GFM1: variants seen among roughly 807,000 people sequenced by gnomAD.
GFM1 encodes G elongation factor mitochondrial 1.
GFM1 carries 62 observed loss-of-function variants against 96.2 expected under a neutral mutation model. The observed-to-expected ratio is 0.64, with a 90% CI of 0.53 to 0.80. GFM1 has a LOEUF of 0.80. GFM1 is among the 30% of genes least tolerant of loss of function. The pLI, the probability that GFM1 is intolerant of heterozygous loss-of-function variation, is 0.00. For missense variants in GFM1, 852 were observed against 916.6 expected (o/e 0.93, Z 0.91); for synonymous variants, 282 against 312.9 (o/e 0.90, Z 1.04).
In GFM1 at chr3:158,691,589, C is replaced by T. The variant is rs1726327951; in HGVS notation, c.*122C>T. 6 of 1,065,632 alleles carry T rather than the reference C, an allele frequency of 5.6e-6. No homozygotes were observed. The highest frequency in any genetic ancestry group is 1.9e-5 in the Admixed American group (1 of 52,924). The allele number at this position is 1,065,632 out of a possible 1,614,324, so 66.0% of individuals were successfully genotyped here. On this transcript the variant is annotated 3_prime_UTR_variant, in exon 18 of 18. Coordinates refer to ENST00000486715, the MANE Select transcript of GFM1 (RefSeq NM_024996.7). ...AAATTCTGAGCCCAGGAAGCGGGCTCTTCTTTCTTCAAAAGAAGCCCTTCT... is the reference window on the plus strand; with the variant it reads ...AAATTCTGAGCCCAGGAAGCGGGCTTTTCTTTCTTCAAAAGAAGCCCTTCT...
rs758651253 is a variant in GFM1, at chr3:158,691,310, AC to A, written c.2125-23del. The A allele has an allele frequency of 1.6e-5, 25 of 1,612,614 alleles. No homozygotes were observed. The Admixed American group carries it at 2.7e-4, about 17-fold the overall frequency. On this transcript the variant is annotated intron_variant, in intron 17 of 17. Transcript: ENST00000486715. ...TAAAAAACAAACAAACAAACAAAAA[AC>A]CCTCTCTTTTTTTTAAATCCCTAGG...
In GFM1 at chr3:158,693,652, T is replaced by C. The variant is rs1173676824; in HGVS notation, c.*2185T>C. The C allele has an allele frequency of 2.0e-5, 3 of 152,208 alleles. No homozygotes were observed. The highest frequency in any genetic ancestry group is 7.2e-5 in the African/African-American group (3 of 41,448). The allele number at this position is 152,208 out of a possible 1,614,324, so 9.4% of individuals were successfully genotyped here. A position where few individuals can be genotyped will look rare whatever the true frequency, so the allele number is the denominator to read the frequency against. On this transcript the variant is annotated 3_prime_UTR_variant, in exon 18 of 18. Coordinates refer to ENST00000486715, the MANE Select transcript of GFM1 (RefSeq NM_024996.7). ...TGAGAATATTCATAGGTGAGGGTTG[T>C]TTATACTACTATCAAGAAGGATAAT...
chr3:158,658,218 G>A (rs1357809679), intron 8 of GFM1, among the ~76,000 whole-genome samples: 1 of 139,608 alleles, frequency 7.2e-6, no homozygotes, highest in East Asian at 2.1e-4. Context: ...CCAGGTTGGA[G>A]TGCAGTGGTG....
At chr3:158,654,472 T>A in intron 7 of GFM1, 75 bp from the exon 8 acceptor site, 1 of 941,534 alleles carries the variant, frequency 1.1e-6, no homozygotes, top group Non-Finnish European at 1.7e-6. Context: ...AGATAATACT[T>A]CCTGATGAAA....
intron 4 of GFM1, among the ~76,000 whole-genome samples, chr3:158,648,290 T>C (rs1383031916): frequency 1.3e-5 from 2 of 152,308 alleles, no homozygotes; most frequent in Admixed American, 6.5e-5. Flanking sequence ...TAACCATAGT[T>C]ATAGATGGGA....
intron 6 of GFM1, among the ~76,000 whole-genome samples, chr3:158,652,557 C>G (rs527643064): frequency 3.8e-4 from 58 of 152,172 alleles, no homozygotes; most frequent in African/African-American, 1.3e-3. Flanking sequence ...GTGGCCACAG[C>G]ACTATTGTTG....
At chr3:158,658,249 C>T (rs1722927781) in intron 8 of GFM1, among the ~76,000 whole-genome samples, 1 of 147,314 alleles carries the variant, frequency 6.8e-6, no homozygotes, top group African/African-American at 2.6e-5. Context: ...TCACTGCAAC[C>T]TCCGCCTCCT....
At chr3:158,685,103 A>G (rs182347748) in intron 15 of GFM1, 16 of 161,668 alleles carry the variant, frequency 9.9e-5, no homozygotes, top group Non-Finnish European at 1.9e-4. Flanking sequence ...AGGATGGCAA[A>G]GTATTTTCAA....
chr3:158,660,931 A>T lies in GFM1; in HGVS notation c.1279A>T (p.Ser427Cys). The T allele has an allele frequency of 3.1e-6, 5 of 1,614,040 alleles. No individual in the cohort carries two copies. The highest frequency in any genetic ancestry group is 4.2e-6 in the Non-Finnish European group (5 of 1,179,928). ...TGCATTGTTTGGCATTGACTGTGCT[A>T]GTGGAGACACATTCACAGACAAAGC... ...ICALFGIDCA[S>C]GDTFTDKANS... The change falls in exon 10 of 18, where the codon AGT becomes TGT. Residue 427 changes from serine to cysteine, a missense_variant. By Grantham distance (112) the Ser-to-Cys change is moderately radical (BLOSUM62 -1). Coordinates refer to ENST00000486715, the MANE Select transcript of GFM1 (RefSeq NM_024996.7).
intron 13 of GFM1, chr3:158,672,370 CCTT>C (rs1318622174): frequency 1.2e-6 from 2 of 1,613,964 alleles, no homozygotes; most frequent in Non-Finnish European, 1.7e-6. Context: ...GCTTGTTTGA[CCTT>C]CTGCACCTCA....
chr3:158,652,154 C>A lies in GFM1; in HGVS notation c.748C>A (p.Arg250=). The change falls in exon 6 of 18, where the codon CGG becomes AGG. Residue 250 remains arginine (R), a synonymous_variant. Transcript: ENST00000486715. ...AELRAAATDH[R]QELIECVANS... is the part of the protein sequence containing the mutation. ...ATTAAGGGCGGCGGCCACTGACCAC[C>A]GGCAGGAGCTAATTGAATGTGTTGC... 6.2e-7 allele frequency: 1 copy of A among 1,613,788 alleles called. No individual in the cohort carries two copies.
chr3:158,684,586 T>C lies in GFM1; in HGVS notation c.1827T>C (p.Phe609=). ...GTCACAAGCTCTCTGGGCTCCGGTT[T>C]GTCCTGCAAGATGGAGCACACCACA... ...LSGHKLSGLR[F]VLQDGAHHMV... Residue 609 remains phenylalanine, a synonymous_variant, in exon 15 of 18, where the codon TTT becomes TTC. Coordinates refer to ENST00000486715, the MANE Select transcript of GFM1 (RefSeq NM_024996.7). The C allele has an allele frequency of 6.2e-7, 1 of 1,614,160 alleles. No homozygotes were observed. Among genetic ancestry groups the C allele is most frequent in the South Asian group, 1.1e-5 (1 of 91,084 alleles).
chr3:158,680,150 T>C (rs1190882277), intron 13 of GFM1, among the ~76,000 whole-genome samples: 1 of 152,196 alleles, frequency 6.6e-6, no homozygotes. Context: ...TAATTTTTCT[T>C]TTTCAATTAA....
intron 13 of GFM1, chr3:158,671,087 G>T (rs926592825): frequency 3.6e-6 from 5 of 1,379,266 alleles, no homozygotes; most frequent in Admixed American, 5.9e-5. Context: ...ATTGTTAGAA[G>T]TATGCATCTC....
At chr3:158,660,676 A>AT in intron 9 of GFM1, 198 bp from the exon 10 acceptor site, 1 of 593,104 alleles carries the variant, frequency 1.7e-6, no homozygotes, top group East Asian at 2.9e-5. Context: ...ATATGGTTTA[A>AT]ATGAAGGCCT....
chr3:158,677,950 G>C (rs80296352), intron 13 of GFM1, among the ~76,000 whole-genome samples: 2,432 of 152,264 alleles, frequency 0.016, 57 homozygotes, highest in African/African-American at 0.055. Context: ...TAATGCAGCT[G>C]GTGACTAAGT....
At chr3:158,689,010 T>A (rs1299085479) in intron 15 of GFM1, among the ~76,000 whole-genome samples, 1 of 152,194 alleles carries the variant, frequency 6.6e-6, no homozygotes, top group Non-Finnish European at 1.5e-5. Context: ...GTGATTATAT[T>A]TAAACAAAAT....
chr3:158,660,664 A>G (rs1420417762), intron 9 of GFM1: 10 of 574,946 alleles, frequency 1.7e-5, no homozygotes, highest in Non-Finnish European at 2.8e-5. Flanking sequence ...TTGTCTATTG[A>G]TATATGGTTT....
chr3:158,659,087 A>G, intron 9 of GFM1, 28 bp downstream of exon 9: 1 of 1,613,834 alleles, frequency 6.2e-7, no homozygotes, highest in Non-Finnish European at 8.5e-7. Flanking sequence ...GTGAGATTAG[A>G]AATTCCTCTG....
Sources: allele counts gnomAD v4.1 joint callset (sites outside exome capture counted in the v4.1 genomes callset), GRCh38; gene constraint gnomAD v4.1.1; transcripts MANE v1.5; gene names NCBI Gene and HGNC (gene_info 2026-07-23, HGNC 2026-07-21).